TLE4: variants seen among roughly 807,000 people sequenced by gnomAD.
TLE4 encodes the protein TLE family member 4, transcriptional corepressor.
A neutral mutation model predicts 92.8 loss-of-function variants in TLE4; 8 were observed. That is an observed-to-expected ratio of 0.09 (90% CI 0.05 to 0.16). TLE4 has a LOEUF of 0.16. TLE4 is among the 10% of genes least tolerant of loss of function. The pLI, the probability that TLE4 is intolerant of heterozygous loss-of-function variation, is 1.00. For synonymous variants in TLE4, 371 were observed against 374.1 expected (o/e 0.99, Z 0.10); for missense variants, 675 against 997.6 (o/e 0.68, Z 4.36).
intron 4 of TLE4, among the ~76,000 whole-genome samples, chr9:79,595,254 A>C (rs1201458410): frequency 6.6e-6 from 1 of 152,216 alleles, no homozygotes; most frequent in African/African-American, 2.4e-5. Flanking sequence ...AAGAAATTAT[A>C]GTTTGCGATT....
rs566784893 is a variant in TLE4 at position 79,725,752 on chromosome 9, T to C, written c.*608T>C. On this transcript the variant is annotated 3_prime_UTR_variant, in exon 20 of 20. Coordinates refer to ENST00000376552, the MANE Select transcript of TLE4 (RefSeq NM_007005.6). ...AATTAGAACACAACAGGCCAACTCA[T>C]ACTCATTTGGATCTATTTAGACAAC... 6.5e-6 allele frequency: 1 copy of C among 152,828 alleles called. No homozygotes were observed. The highest frequency in any genetic ancestry group is 2.4e-5 in the African/African-American group (1 of 41,584). The allele number at this position is 152,828 out of a possible 1,614,324, so 9.5% of individuals were successfully genotyped here.
chr9:79,609,222 G>GT (rs1487765053), intron 4 of TLE4, among the ~76,000 whole-genome samples: 1 of 151,986 alleles, frequency 6.6e-6, no homozygotes, highest in Admixed American at 6.6e-5. Flanking sequence ...GTGTTTTCCT[G>GT]TTTCGTTACT....
At chr9:79,646,634 A>C (rs979321663) in intron 6 of TLE4, among the ~76,000 whole-genome samples, 1 of 152,152 alleles carries the variant, frequency 6.6e-6, no homozygotes, top group African/African-American at 2.4e-5. Context: ...CTGCTACTCT[A>C]GTTCTAGGCT....
chr9:79,673,372 A>G (rs1330105569), intron 8 of TLE4, among the ~76,000 whole-genome samples: 3 of 152,190 alleles, frequency 2.0e-5, no homozygotes, highest in Non-Finnish European at 4.4e-5. Context: ...CACTTATTTA[A>G]AACAATATTG....
chr9:79,709,700 G>A lies in TLE4; in HGVS notation c.1340+1G>A. ...TGACAGGCATTCCAGGAGGAAAACC[G>A]TGAGTACCTTTTTGCCTCTGTGCTC... On this transcript the variant is annotated splice_donor_variant, in intron 14 of 19. Coordinates refer to ENST00000376552, the MANE Select transcript of TLE4 (RefSeq NM_007005.6). LOFTEE classifies it high-confidence loss of function. The A allele has an allele frequency of 6.2e-7, 1 of 1,613,902 alleles. No individual in the cohort carries two copies. Among genetic ancestry groups the A allele is most frequent in the Non-Finnish European group, 8.5e-7 (1 of 1,179,898 alleles).
intron 1 of TLE4, chr9:79,573,122 A>AGGG: frequency 1.6e-6 from 1 of 620,596 alleles, no homozygotes; most frequent in Non-Finnish European, 2.2e-6. Context: ...CGACTCCTCG[A>AGGG]GGGGGGGTGG....
chr9:79,582,883 CA>C (rs2040060834), intron 4 of TLE4, among the ~76,000 whole-genome samples: 1 of 152,024 alleles, frequency 6.6e-6, no homozygotes, highest in African/African-American at 2.4e-5. Flanking sequence ...TGGAGAGAAG[CA>C]GGGGGGCAGC....
chr9:79,592,472 C>T (rs1564207831), intron 4 of TLE4, among the ~76,000 whole-genome samples: 2 of 151,734 alleles, frequency 1.3e-5, no homozygotes, highest in South Asian at 4.2e-4. Flanking sequence ...GACTGTGTTT[C>T]GCCTTGTTGC....
chr9:79,626,031 A>G (rs1205793887), intron 5 of TLE4, among the ~76,000 whole-genome samples: 5 of 152,112 alleles, frequency 3.3e-5, no homozygotes, highest in African/African-American at 1.2e-4. Context: ...TCTATGGTCT[A>G]TTATTTGACA....
chr9:79,613,365 G>T (rs1417713332), intron 5 of TLE4, among the ~76,000 whole-genome samples: 1 of 152,074 alleles, frequency 6.6e-6, no homozygotes, highest in African/African-American at 2.4e-5. Context: ...CAGGGGAAGT[G>T]CATGCCATCA....
At chr9:79,654,009 T>C in intron 7 of TLE4, 50 bp from the exon 8 acceptor site, 2 of 1,609,136 alleles carry the variant, frequency 1.2e-6, no homozygotes, top group Non-Finnish European at 1.7e-6. Context: ...ACTTTTCTTT[T>C]CTTCTTCCCA....
Position 79,578,868 on chromosome 9 carries a change from C to T in TLE4, c.252+2691C>T, listed in dbSNP as rs543817735. Among the ~76,000 whole-genome samples, 18 of 138,326 alleles carry T rather than the reference C, an allele frequency of 1.3e-4. No homozygotes were observed. In the South Asian group the frequency reaches 3.6e-3, roughly 28 times the overall value. The allele number at this position is 138,326 out of a possible 152,430, so 90.7% of individuals were successfully genotyped here. A position where few individuals can be genotyped will look rare whatever the true frequency, so the allele number is the denominator to read the frequency against. On this transcript the variant is annotated intron_variant, in intron 4 of 19. Transcript: ENST00000376552. ...TTTAAAGGGGAACTTGGTGATATGA[C>T]GTGGAATTGGAACATAAAATATGAA...
chr9:79,694,776 G>GA (rs11423636), intron 8 of TLE4, among the ~76,000 whole-genome samples: 28,379 of 141,314 alleles, frequency 0.2, 3,259 homozygotes, highest in African/African-American at 0.33. Flanking sequence ...TTACTAACCA[G>GA]AAAAAAAAAA....
intron 4 of TLE4, among the ~76,000 whole-genome samples, chr9:79,599,147 A>G (rs1236410043): frequency 6.6e-6 from 1 of 152,200 alleles, no homozygotes; most frequent in African/African-American, 2.4e-5. Flanking sequence ...CCTGTCTGGT[A>G]CTTATCATAA....
chr9:79,714,233 A>G (rs900715799), intron 14 of TLE4, among the ~76,000 whole-genome samples: 1 of 152,188 alleles, frequency 6.6e-6, no homozygotes, highest in Admixed American at 6.5e-5. Flanking sequence ...AGCTTTGCCC[A>G]GTAATGGCAC....
At chr9:79,681,057 A>G (rs989004283) in intron 8 of TLE4, among the ~76,000 whole-genome samples, 5 of 152,248 alleles carry the variant, frequency 3.3e-5, no homozygotes, top group East Asian at 1.9e-4. Flanking sequence ...TTTTGCATCA[A>G]TGTTCATCAA....
intron 8 of TLE4, among the ~76,000 whole-genome samples, chr9:79,660,015 A>G (rs2052085157): frequency 6.6e-6 from 1 of 152,210 alleles, no homozygotes; most frequent in South Asian, 2.1e-4. Context: ...CAATGTATAC[A>G]GACAAACCTA....
chr9:79,709,796 T>G, intron 14 of TLE4, 97 bp downstream of exon 14: 4 of 897,602 alleles, frequency 4.5e-6, no homozygotes, highest in East Asian at 2.8e-5. Flanking sequence ...GTTGGGGGAG[T>G]TCCCATGACT....
chr9:79,672,481 G>A (rs745749221), intron 8 of TLE4, among the ~76,000 whole-genome samples: 2 of 152,160 alleles, frequency 1.3e-5, no homozygotes, highest in Non-Finnish European at 2.9e-5. Context: ...ACCTCTGGAT[G>A]TATAGAGTCA....
Sources: allele counts gnomAD v4.1 joint callset (sites outside exome capture counted in the v4.1 genomes callset), GRCh38; gene constraint gnomAD v4.1.1; transcripts MANE v1.5; gene names NCBI Gene and HGNC (gene_info 2026-07-23, HGNC 2026-07-21).